The following SIDT1 variants were observed in gnomAD, a reference collection of about 807,000 sequenced individuals.
The protein encoded by SIDT1 is SID1 transmembrane family member 1, also known as SID1 transmembrane family, member 1.
In SIDT1, 101 loss-of-function variants were observed where a neutral mutation model predicts 107.5. The ratio of observed to expected loss-of-function variants is 0.94; its 90% CI spans 0.80 to 1.11. The LOEUF is 1.11. Among genes scored for constraint, SIDT1 ranks in the 50% least tolerant of loss-of-function variants. SIDT1 has a pLI of 0.00. For synonymous variants in SIDT1, 395 were observed against 398.2 expected (o/e 0.99, Z 0.10); for missense variants, 1,076 against 1,058.2 (o/e 1.02, Z -0.23).
In SIDT1 at chr3:113,578,671, GACCCT is replaced by G. The variant is rs568019098; in HGVS notation, c.561+1705_561+1709del. Among the ~76,000 whole-genome samples, 461 of 152,044 alleles carry G rather than the reference GACCCT, an allele frequency of 3.0e-3. 10 individuals are homozygous for G. Among genetic ancestry groups the G allele is most frequent in the Admixed American group, 0.026 (394 of 15,272 alleles). On this transcript the variant is annotated intron_variant, in intron 4 of 24. Coordinates refer to ENST00000264852, the MANE Select transcript of SIDT1 (RefSeq NM_017699.3). The stretch of plus-strand genomic sequence containing the variant: ...AAGACCAGCCTGGGCAACATAGCAA[GACCCT>G]GTCTCTACAAAAACCTAAAAAATAA...
At chr3:113,634,680 T>C in the SIDT1 span, among the ~76,000 whole-genome samples, 2 of 151,782 alleles carry the variant, frequency 1.3e-5, no homozygotes, top group African/African-American at 4.8e-5. Context: ...GGCGTGCATC[T>C]GTAATTCCAG....
intron 1 of SIDT1, among the ~76,000 whole-genome samples, chr3:113,537,833 A>G (rs963317804): frequency 1.3e-5 from 2 of 152,178 alleles, no homozygotes; most frequent in Non-Finnish European, 2.9e-5. Flanking sequence ...CCCAGGCTGG[A>G]GTGCAGTGGC....
chr3:113,605,723 G>T (rs928177497), intron 14 of SIDT1, among the ~76,000 whole-genome samples: 1 of 152,122 alleles, frequency 6.6e-6, no homozygotes, highest in Non-Finnish European at 1.5e-5. Context: ...CAGCTTTGTG[G>T]CTGGGCACGG....
chr3:113,600,659 A>T (rs1944895235), intron 10 of SIDT1, among the ~76,000 whole-genome samples: 1 of 152,226 alleles, frequency 6.6e-6, no homozygotes, highest in East Asian at 1.9e-4. Context: ...AGTCAAAAAG[A>T]GTCAGGCAAA....
chr3:113,617,031 G>A (rs975338690), intron 20 of SIDT1, among the ~76,000 whole-genome samples: 13 of 152,142 alleles, frequency 8.5e-5, no homozygotes, highest in Admixed American at 5.2e-4. Flanking sequence ...TAAATGAACA[G>A]TGATCATAGC....
rs143835848 is a variant in SIDT1 at position 113,552,162 on chromosome 3, G to A, written c.223-14258G>A. 1.7e-3 allele frequency among the ~76,000 whole-genome samples: 252 copies of A among 152,270 alleles called. 1 individual carries two copies. Among genetic ancestry groups the A allele is most frequent in the African/African-American group, 5.5e-3 (230 of 41,550 alleles). On this transcript the variant is annotated intron_variant, in intron 1 of 24. Coordinates refer to ENST00000264852, the MANE Select transcript of SIDT1 (RefSeq NM_017699.3). ...AGTTAACATTTGAGTGTCCACAGTT[G>A]TATTTTCTTCTTTTCTCCTGCCTTC... is the stretch of plus-strand genomic sequence containing the variant.
chr3:113,621,160 T>TAG (rs1338714235), intron 21 of SIDT1, among the ~76,000 whole-genome samples: 1 of 152,144 alleles, frequency 6.6e-6, no homozygotes, highest in Non-Finnish European at 1.5e-5. Flanking sequence ...CATATGCATA[T>TAG]AGAGAGAGAG....
chr3:113,611,473 A>G (rs1176521757), intron 18 of SIDT1, among the ~76,000 whole-genome samples: 1 of 152,098 alleles, frequency 6.6e-6, no homozygotes, highest in East Asian at 1.9e-4. Context: ...CTGGGACTAC[A>G]GGCGCCCACC....
At chr3:113,539,624 T>G (rs1350233635) in intron 1 of SIDT1, among the ~76,000 whole-genome samples, 2 of 152,226 alleles carry the variant, frequency 1.3e-5, no homozygotes, top group African/African-American at 4.8e-5. Context: ...TCATCCTTAA[T>G]GGAAGATATC....
chr3:113,577,091 A>C, intron 4 of SIDT1, 124 bp downstream of exon 4: 1 of 887,134 alleles, frequency 1.1e-6, no homozygotes, highest in Admixed American at 1.9e-5. Flanking sequence ...CACAACTTGA[A>C]GTATATTTGT....
At chr3:113,553,797 G>A (rs1054170019) in intron 1 of SIDT1, among the ~76,000 whole-genome samples, 1 of 152,190 alleles carries the variant, frequency 6.6e-6, no homozygotes. Flanking sequence ...TGTAATCCCA[G>A]CACTTTGGGA....
At chr3:113,620,321 C>G (rs2107801042) in intron 21 of SIDT1, among the ~76,000 whole-genome samples, 1 of 152,028 alleles carries the variant, frequency 6.6e-6, no homozygotes. Context: ...TCAAATGGCT[C>G]AAAATAGAAC....
chr3:113,543,658 C>A (rs1209094983), intron 1 of SIDT1, among the ~76,000 whole-genome samples: 1 of 151,952 alleles, frequency 6.6e-6, no homozygotes, highest in African/African-American at 2.4e-5. Flanking sequence ...ATTAAAAAAT[C>A]TATGCTGCTA....
At position 113,532,975 on chromosome 3, in the gene SIDT1, C is replaced by T; in HGVS notation, c.-47C>T. On this transcript the variant is annotated 5_prime_UTR_variant, in exon 1 of 25. Transcript: ENST00000264852. ...TGGAAGGACCCTCTCTGCGCTCGCC[C>T]CCTCCCCAGGGTGGCTCCGCTTTCG... 2 of 1,255,186 alleles carry T rather than the reference C, an allele frequency of 1.6e-6. No homozygotes were observed. Among genetic ancestry groups the T allele is most frequent in the Non-Finnish European group, 2.0e-6 (2 of 979,904 alleles). The allele number at this position is 1,255,186 out of a possible 1,614,324, so 77.8% of individuals were successfully genotyped here.
chr3:113,534,053 T>A (rs537316747), intron 1 of SIDT1, among the ~76,000 whole-genome samples: 1 of 152,166 alleles, frequency 6.6e-6, no homozygotes, highest in South Asian at 2.1e-4. Flanking sequence ...TCTGGAGCAC[T>A]GGGCGGGGAG....
intron 1 of SIDT1, among the ~76,000 whole-genome samples, chr3:113,544,281 C>T (rs1466292679): frequency 6.6e-6 from 1 of 151,984 alleles, no homozygotes; most frequent in Non-Finnish European, 1.5e-5. Flanking sequence ...ATCTGCATCT[C>T]CCAGGTTCAA....
intron 10 of SIDT1, among the ~76,000 whole-genome samples, chr3:113,598,742 G>T (rs1944752453): frequency 6.6e-6 from 1 of 152,130 alleles, no homozygotes; most frequent in Admixed American, 6.5e-5. Context: ...TCAGCATTTT[G>T]TGATTTTAGT....
At chr3:113,538,653 C>T (rs1270048371) in intron 1 of SIDT1, among the ~76,000 whole-genome samples, 6 of 152,166 alleles carry the variant, frequency 3.9e-5, no homozygotes, top group Non-Finnish European at 8.8e-5. Context: ...AATTTTCAAA[C>T]ACACATGTGG....
At chr3:113,587,727 G>A (rs1943846961) in intron 9 of SIDT1, among the ~76,000 whole-genome samples, 1 of 152,164 alleles carries the variant, frequency 6.6e-6, no homozygotes. Flanking sequence ...GAGGCACAGA[G>A]GGATTAAGCA....
Sources: gnomAD v4.1 joint callset for allele counts (sites outside exome capture counted in the v4.1 genomes callset) on GRCh38, gnomAD v4.1.1 for gene constraint, MANE v1.5 for transcripts, NCBI Gene and HGNC (gene_info 2026-07-23, HGNC 2026-07-21) for gene names.